The following DOCK8 variants were observed in gnomAD, a reference collection of about 807,000 sequenced individuals.
The protein encoded by DOCK8 is dedicator of cytokinesis protein 8.
In DOCK8, 141 loss-of-function variants were observed where a neutral mutation model predicts 245.6. The observed-to-expected ratio is 0.57, with a 90% CI of 0.50 to 0.66. The LOEUF is 0.66. DOCK8 is among the 30% of genes least tolerant of loss of function. The pLI is 0.00. For missense variants in DOCK8, 2,965 were observed against 2,603.4 expected (o/e 1.14, Z -3.02); for synonymous variants, 1,168 against 970.2 (o/e 1.20, Z -3.79).
intron 4 of DOCK8, among the ~76,000 whole-genome samples, chr9:292,020 C>T (rs910393660): frequency 7.7e-6 from 1 of 129,748 alleles, no homozygotes; most frequent in Non-Finnish European, 1.6e-5. Flanking sequence ...TAGTGAGTGA[C>T]GATTGCACCA....
chr9:396,867 A>T lies in DOCK8; in HGVS notation c.3053A>T (p.Asp1018Val). ...ACTCGTTTTTCTGACCGTTTCATGG[A>T]TGACATAACTACTATTGTTAATGTG... ...RRTRFSDRFMDDITTIVNVVT... is the reference protein window; with the variant it reads ...RRTRFSDRFMVDITTIVNVVT... Residue 1018 changes from aspartate to valine, a missense_variant, in exon 25 of 48, where the codon GAT (aspartate) becomes GTT (valine). Asp to Val is a radical substitution (Grantham distance 152). Coordinates refer to ENST00000432829, the MANE Select transcript of DOCK8 (RefSeq NM_203447.4). The T allele has an allele frequency of 6.2e-7, 1 of 1,614,138 alleles. No individual in the cohort carries two copies. The highest frequency in any genetic ancestry group is 8.5e-7 in the Non-Finnish European group (1 of 1,180,016).
chr9:341,786 C>T (rs2051605935), intron 14 of DOCK8, among the ~76,000 whole-genome samples: 1 of 152,208 alleles, frequency 6.6e-6, no homozygotes, highest in South Asian at 2.1e-4. Flanking sequence ...AGGAGGTGAG[C>T]ATCGGGTGAG....
At chr9:367,125 G>T (rs1053677015) in intron 14 of DOCK8, among the ~76,000 whole-genome samples, 4 of 152,188 alleles carry the variant, frequency 2.6e-5, no homozygotes, top group African/African-American at 9.7e-5. Flanking sequence ...ATAGCTATGA[G>T]AATTAAACAA....
intron 14 of DOCK8, among the ~76,000 whole-genome samples, chr9:354,468 T>C (rs935707442): frequency 2.0e-5 from 3 of 152,072 alleles, no homozygotes; most frequent in African/African-American, 7.3e-5. Context: ...TACATACTTG[T>C]GTTAGTTATC....
intron 22 of DOCK8, among the ~76,000 whole-genome samples, chr9:385,656 T>C (rs186324525): frequency 5.9e-5 from 9 of 152,312 alleles, no homozygotes; most frequent in East Asian, 3.9e-4. Context: ...TGGCAAATGC[T>C]ACAAATTACC....
intron 22 of DOCK8, among the ~76,000 whole-genome samples, chr9:384,936 A>T (rs929827024): frequency 1.3e-5 from 2 of 152,106 alleles, no homozygotes; most frequent in Non-Finnish European, 2.9e-5. Context: ...AATAAATAAA[A>T]AATAAATGAA....
chr9:416,756 C>T lies in DOCK8; in HGVS notation c.3701-1312C>T, dbSNP rs1037102469. The stretch of plus-strand genomic sequence containing the variant: ...TCTGTAAACTATAAAAATGTGATAA[C>T]GATGTCTACCTTTTAGGTTTACGAT... On this transcript the variant is annotated intron_variant, in intron 29 of 47. Coordinates refer to ENST00000432829, the MANE Select transcript of DOCK8 (RefSeq NM_203447.4). 6.6e-5 allele frequency among the ~76,000 whole-genome samples: 10 copies of T among 152,112 alleles called. No individual in the cohort carries two copies. In the East Asian group the frequency reaches 1.5e-3, roughly 23 times the overall value.
intron 35 of DOCK8, among the ~76,000 whole-genome samples, chr9:429,491 C>G (rs2056629241): frequency 6.6e-6 from 1 of 152,174 alleles, no homozygotes; most frequent in Non-Finnish European, 1.5e-5. Context: ...CAGCTCTGAC[C>G]CTTTTAGCTG....
At chr9:441,828 C>G in intron 41 of DOCK8, 47 bp from the exon 42 acceptor site, 4 of 1,594,848 alleles carry the variant, frequency 2.5e-6, no homozygotes, top group Non-Finnish European at 2.6e-6. Flanking sequence ...TCAGTGGCTC[C>G]TCAGGATGAC....
At chr9:347,858 T>C (rs1292373011) in intron 14 of DOCK8, among the ~76,000 whole-genome samples, 5 of 152,236 alleles carry the variant, frequency 3.3e-5, no homozygotes, top group African/African-American at 1.2e-4. Context: ...ACAGCAAAGC[T>C]ACCGTTCCAG....
chr9:400,966 C>CA (rs2055031402), intron 26 of DOCK8, among the ~76,000 whole-genome samples: 3 of 117,650 alleles, frequency 2.5e-5, no homozygotes, highest in Non-Finnish European at 5.6e-5. Context: ...CCACCACCAC[C>CA]TCCTCCACCA....
At chr9:350,816 G>A (rs1416846985) in intron 14 of DOCK8, among the ~76,000 whole-genome samples, 1 of 152,140 alleles carries the variant, frequency 6.6e-6, no homozygotes, top group Non-Finnish European at 1.5e-5. Context: ...ATTACTGAAG[G>A]GGGACCAGTC....
intron 21 of DOCK8, among the ~76,000 whole-genome samples, chr9:381,555 G>A (rs1230448075): frequency 6.6e-6 from 1 of 152,178 alleles, no homozygotes; most frequent in Middle Eastern, 3.2e-3. Flanking sequence ...ATAAAAATTA[G>A]TGTCAGTGAG....
At chr9:318,361 G>A (rs1393677859) in intron 7 of DOCK8, among the ~76,000 whole-genome samples, 1 of 152,198 alleles carries the variant, frequency 6.6e-6, no homozygotes, top group African/African-American at 2.4e-5. Context: ...GAAGGCATCT[G>A]GATTCTGGAT....
intron 46 of DOCK8, among the ~76,000 whole-genome samples, chr9:454,965 G>C (rs192193069): frequency 1.5e-3 from 224 of 152,284 alleles, no homozygotes; most frequent in African/African-American, 5.2e-3. Flanking sequence ...AAAGTCATTA[G>C]AGTTTCAATA....
At chr9:338,555 T>C (rs2051427154) in intron 12 of DOCK8, among the ~76,000 whole-genome samples, 1 of 152,170 alleles carries the variant, frequency 6.6e-6, no homozygotes, top group Non-Finnish European at 1.5e-5. Context: ...TGGGCATATG[T>C]GGGGGTGGAC....
intron 5 of DOCK8, among the ~76,000 whole-genome samples, chr9:310,916 T>C (rs896966882): frequency 1.3e-5 from 2 of 152,198 alleles, no homozygotes; most frequent in African/African-American, 4.8e-5. Flanking sequence ...TGGGACTTGC[T>C]TCTGTCAAAA....
intron 4 of DOCK8, among the ~76,000 whole-genome samples, chr9:295,437 G>A (rs1172191820): frequency 6.6e-6 from 1 of 152,046 alleles, no homozygotes; most frequent in Non-Finnish European, 1.5e-5. Flanking sequence ...AAATACTTTG[G>A]TAGCATATAT....
chr9:218,503 G>A (rs2046813491), intron 1 of DOCK8, among the ~76,000 whole-genome samples: 1 of 152,146 alleles, frequency 6.6e-6, no homozygotes, highest in Non-Finnish European at 1.5e-5. Flanking sequence ...TAGGCAGTTC[G>A]TAATAACATT....
Sources: allele counts gnomAD v4.1 joint callset (sites outside exome capture counted in the v4.1 genomes callset), GRCh38; gene constraint gnomAD v4.1.1; transcripts MANE v1.5; gene names NCBI Gene and HGNC (gene_info 2026-07-23, HGNC 2026-07-21).